TVP23B: variants seen among roughly 807,000 people sequenced by gnomAD.
TVP23B encodes Golgi apparatus membrane protein TVP23 homolog B.
TVP23B carries 10 observed loss-of-function variants against 30.6 expected under a neutral mutation model. The ratio of observed to expected loss-of-function variants is 0.33; its 90% CI spans 0.20 to 0.55. TVP23B has a LOEUF of 0.55. TVP23B is among the 20% of genes least tolerant of loss of function. The probability of loss-of-function intolerance (pLI) is 0.91; values close to 1 mark genes in which losing one functional copy is unlikely to be tolerated. For missense variants in TVP23B, 153 were observed against 243.2 expected (o/e 0.63, Z 2.47); for synonymous variants, 67 against 83.1 (o/e 0.81, Z 1.06).
At chr17:18,793,591 A>G (rs551657855) in intron 3 of TVP23B, among the ~76,000 whole-genome samples, 64 of 146,560 alleles carry the variant, frequency 4.4e-4, no homozygotes, top group African/African-American at 1.5e-3. Flanking sequence ...GCAAGACTCC[A>G]TCTCAAAAAA....
intron 3 of TVP23B, among the ~76,000 whole-genome samples, chr17:18,793,426 T>G (rs1597619132): frequency 2.4e-5 from 3 of 127,390 alleles, no homozygotes; most frequent in East Asian, 2.2e-4. Flanking sequence ...GCTAACATGG[T>G]GAAACCCCAT....
chr17:18,788,591 G>A (rs1049500953), intron 1 of TVP23B, among the ~76,000 whole-genome samples: 1 of 151,602 alleles, frequency 6.6e-6, no homozygotes, highest in Non-Finnish European at 1.5e-5. Context: ...AGACCAGCCT[G>A]GCCAACATGG....
chr17:18,781,472 G>C (rs539658469), intron 1 of TVP23B, 167 bp downstream of exon 1: 49 of 1,294,956 alleles, frequency 3.8e-5, no homozygotes, highest in Non-Finnish European at 4.8e-5. Context: ...GGCTGCTGGG[G>C]GTTCTGAGGC....
intron 5 of TVP23B, among the ~76,000 whole-genome samples, chr17:18,803,518 G>A (rs1299004463): frequency 2.6e-5 from 4 of 152,122 alleles, no homozygotes; most frequent in Non-Finnish European, 5.9e-5. Flanking sequence ...ACTTCTCATT[G>A]ATCCTAGTGG....
chr17:18,783,446 C>CGAGA (rs1178879752), intron 1 of TVP23B, among the ~76,000 whole-genome samples: 1 of 152,172 alleles, frequency 6.6e-6, no homozygotes, highest in Non-Finnish European at 1.5e-5. Flanking sequence ...GAACCTCAGT[C>CGAGA]GAGCCCTTAG....
chr17:18,786,761 G>C (rs569935144), intron 1 of TVP23B, among the ~76,000 whole-genome samples: 14 of 151,946 alleles, frequency 9.2e-5, no homozygotes, highest in Admixed American at 2.6e-4. Context: ...AGCTCAGTAG[G>C]AGCTTCTCGC....
chr17:18,783,503 C>T (rs747566640), intron 1 of TVP23B, among the ~76,000 whole-genome samples: 3 of 152,240 alleles, frequency 2.0e-5, no homozygotes, highest in Non-Finnish European at 4.4e-5. Context: ...TTCACCCTCT[C>T]GCCTTAGGCA....
intron 3 of TVP23B, among the ~76,000 whole-genome samples, chr17:18,792,267 C>A (rs531134304): frequency 5.9e-5 from 9 of 152,128 alleles, no homozygotes; most frequent in Non-Finnish European, 1.2e-4. Context: ...AACTTCTGAC[C>A]TCAAGGGATC....
intron 5 of TVP23B, among the ~76,000 whole-genome samples, chr17:18,803,651 T>C (rs1053997862): frequency 6.6e-6 from 1 of 152,354 alleles, no homozygotes; most frequent in South Asian, 2.1e-4. Context: ...CCTTAGGGCA[T>C]TGCATCCCCT....
intron 5 of TVP23B, among the ~76,000 whole-genome samples, chr17:18,800,576 T>C (rs2036146027): frequency 6.6e-6 from 1 of 152,160 alleles, no homozygotes; most frequent in Non-Finnish European, 1.5e-5. Flanking sequence ...TCACTGAATA[T>C]CTTGGAGAAG....
At chr17:18,799,862 A>G (rs1181624354) in intron 5 of TVP23B, among the ~76,000 whole-genome samples, 3 of 151,798 alleles carry the variant, frequency 2.0e-5, no homozygotes, top group Non-Finnish European at 4.4e-5. Context: ...CTATTTTGCG[A>G]TATAGATTCT....
At chr17:18,802,038 T>C (rs8077931) in intron 5 of TVP23B, among the ~76,000 whole-genome samples, 3,723 of 151,504 alleles carry the variant, frequency 0.025, 134 homozygotes, top group African/African-American at 0.075. Context: ...CTGGCTAACA[T>C]GGTGAAACCC....
chr17:18,785,756 C>T (rs140803741), intron 1 of TVP23B, among the ~76,000 whole-genome samples: 541 of 152,074 alleles, frequency 3.6e-3, no homozygotes, highest in African/African-American at 0.012. Context: ...ACTCAGGAGG[C>T]TGAGATGTAG....
At position 18,801,590 on chromosome 17, in the gene TVP23B, G is replaced by A. The variant is rs541061999; in HGVS notation, c.463-2548G>A. Among the ~76,000 whole-genome samples, 8 of 152,120 alleles carry A rather than the reference G, an allele frequency of 5.3e-5. No individual in the cohort carries two copies. In the East Asian group the frequency reaches 5.8e-4, roughly 11 times the overall value. The stretch of plus-strand genomic sequence containing the variant: ...TCTTGGCTGGGCTGCCTGGTTTTGC[G>A]TTCTCTTCCTTAGTGGGGCTCTTGT... On this transcript the variant is annotated intron_variant, in intron 5 of 6. Coordinates refer to ENST00000307767, the MANE Select transcript of TVP23B (RefSeq NM_016078.6).
intron 6 of TVP23B, chr17:18,804,675 GC>G (rs1301153854): frequency 4.0e-6 from 3 of 756,300 alleles, no homozygotes; most frequent in Non-Finnish European, 5.0e-6. Context: ...TGCAACCTCT[GC>G]CCCCCGGGTT....
In TVP23B at chr17:18,781,204, C is replaced by T; in HGVS notation, c.-90C>T. 2.6e-6 allele frequency: 4 copies of T among 1,539,310 alleles called. No individual in the cohort carries two copies. Among genetic ancestry groups the T allele is most frequent in the East Asian group, 2.5e-5 (1 of 40,780 alleles). On this transcript the variant is annotated 5_prime_UTR_variant, in exon 1 of 7. Coordinates refer to ENST00000307767, the MANE Select transcript of TVP23B (RefSeq NM_016078.6). ...GGCTCTTACAGTGGTCCCTGCTGGC[C>T]CTTGGTGACGGGTCGCCTCAGTTCC...
Position 18,781,200 on chromosome 17 carries a change from T to C in TVP23B, c.-94T>C, listed in dbSNP as rs1597610700. On this transcript the variant is annotated 5_prime_UTR_variant, in exon 1 of 7. Coordinates refer to ENST00000307767, the MANE Select transcript of TVP23B (RefSeq NM_016078.6). ...CTGAGGCTCTTACAGTGGTCCCTGC[T>C]GGCCCTTGGTGACGGGTCGCCTCAG... is the stretch of plus-strand genomic sequence containing the variant. The C allele has an allele frequency of 2.0e-6, 3 of 1,537,808 alleles. No individual in the cohort carries two copies. Among genetic ancestry groups the C allele is most frequent in the East Asian group, 4.9e-5 (2 of 40,746 alleles).
chr17:18,804,961 T>TC (rs962764869), intron 6 of TVP23B, among the ~76,000 whole-genome samples: 2 of 152,046 alleles, frequency 1.3e-5, no homozygotes, highest in African/African-American at 4.8e-5. Flanking sequence ...GATGTTTTTT[T>TC]CCCCCTAGAA....
At position 18,805,578 on chromosome 17, in the gene TVP23B, C is replaced by G. The variant is rs777032713; in HGVS notation, c.*11C>G. 6.2e-7 allele frequency: 1 copy of G among 1,605,792 alleles called. No individual in the cohort carries two copies. Among genetic ancestry groups the G allele is most frequent in the Non-Finnish European group, 8.5e-7 (1 of 1,177,640 alleles). ...GATCAGACTTCCTGAATAGAGAAAG[C>G]TTATGTGCTTTGTTACATTGGGGAA... On this transcript the variant is annotated 3_prime_UTR_variant, in exon 7 of 7. Transcript: ENST00000307767.
Sources: allele counts gnomAD v4.1 joint callset (sites outside exome capture counted in the v4.1 genomes callset), GRCh38; gene constraint gnomAD v4.1.1; transcripts MANE v1.5; gene names NCBI Gene and HGNC (gene_info 2026-07-23, HGNC 2026-07-21).